Variants in SNX29 observed in about 807,000 individuals in gnomAD.
SNX29 encodes sorting nexin 29.
In SNX29, 78 loss-of-function variants were observed where a neutral mutation model predicts 102.1. The ratio of observed to expected loss-of-function variants is 0.76; its 90% confidence interval spans 0.64 to 0.92. SNX29 has a LOEUF of 0.92. Ranked by LOEUF, SNX29 falls within the 40% of genes least tolerant of loss-of-function variation. The pLI, the probability that SNX29 is intolerant of heterozygous loss-of-function variation, is 0.00. For synonymous variants in SNX29, 580 were observed against 414.5 expected (o/e 1.40, Z -4.85); for missense variants, 1,280 against 1,061.7 (o/e 1.21, Z -2.86).
At chr16:12,203,086 T>C (rs2076953799) in intron 14 of SNX29, among the ~76,000 whole-genome samples, 1 of 148,304 alleles carries the variant, frequency 6.7e-6, no homozygotes, top group Admixed American at 6.7e-5. Flanking sequence ...AGCTCTCAAG[T>C]TGTGTAGTGT....
rs116302317 is a variant in SNX29 at position 12,304,311 on chromosome 16, C to T, written c.1782+26275C>T. On this transcript the variant is annotated intron_variant, in intron 15 of 20. Coordinates refer to ENST00000566228, the MANE Select transcript of SNX29 (RefSeq NM_032167.5). The stretch of plus-strand genomic sequence containing the variant: ...TGTTGGCTTTTTTGTTGTTGTTGCA[C>T]TCCCAGGCTGGAGCGCAATGGCGAG... Among the ~76,000 whole-genome samples, 1,175 of 152,198 alleles carry T rather than the reference C, an allele frequency of 7.7e-3. 19 individuals are homozygous for T. The highest frequency in any genetic ancestry group is 0.027 in the African/African-American group (1,118 of 41,512).
At chr16:12,395,925 C>A (rs1331587194) in intron 16 of SNX29, among the ~76,000 whole-genome samples, 1 of 152,228 alleles carries the variant, frequency 6.6e-6, no homozygotes, top group East Asian at 1.9e-4. Flanking sequence ...TAATTATCAT[C>A]ATGCATTTGC....
intron 14 of SNX29, among the ~76,000 whole-genome samples, chr16:12,270,008 G>A (rs760857023): frequency 6.6e-6 from 1 of 151,826 alleles, no homozygotes; most frequent in Non-Finnish European, 1.5e-5. Context: ...CTGCAGGCAC[G>A]CACCACCACG....
chr16:12,086,006 ATTC>A (rs1223489697), intron 11 of SNX29, among the ~76,000 whole-genome samples: 12 of 144,428 alleles, frequency 8.3e-5, no homozygotes, highest in Non-Finnish European at 1.5e-4. Flanking sequence ...ACTCTTGCCA[ATTC>A]TTTTTTTTTT....
intron 15 of SNX29, among the ~76,000 whole-genome samples, chr16:12,350,673 T>C (rs142965127): frequency 2.6e-5 from 4 of 152,348 alleles, no homozygotes; most frequent in Non-Finnish European, 1.5e-5. Flanking sequence ...GAAAACTGTT[T>C]CCTACAAGTA....
At chr16:12,455,060 T>G (rs902801022) in intron 18 of SNX29, among the ~76,000 whole-genome samples, 3 of 152,134 alleles carry the variant, frequency 2.0e-5, no homozygotes, top group African/African-American at 7.2e-5. Context: ...TTGGAGGACT[T>G]TAATTTACAC....
intron 20 of SNX29, among the ~76,000 whole-genome samples, chr16:12,532,368 C>CTCCCAGCAGCGTTCACTTGTGTT (rs1427612415): frequency 1.3e-5 from 2 of 152,220 alleles, no homozygotes; most frequent in East Asian, 3.8e-4. Flanking sequence ...CTTTCAGCAG[C>CTCCCAGCAGCGTTCACTTGTGTT]TCCCAGCAGC....
rs115667058 is a variant in SNX29, at chr16:12,411,797, A to G, written c.2037+8268A>G. Among the ~76,000 whole-genome samples, 188 of 152,276 alleles carry G rather than the reference A, an allele frequency of 1.2e-3. 1 individual carries two copies. Among genetic ancestry groups the G allele is most frequent in the African/African-American group, 4.3e-3 (179 of 41,564 alleles). On this transcript the variant is annotated intron_variant, in intron 18 of 20. Transcript: ENST00000566228. ...GGACACCACTCACCTTGCAGCATGG[A>G]TGTGACCGTGTGTGATGACATATGA...
At chr16:12,458,680 C>G (rs897593132) in intron 18 of SNX29, among the ~76,000 whole-genome samples, 11 of 152,068 alleles carry the variant, frequency 7.2e-5, no homozygotes, top group African/African-American at 2.7e-4. Flanking sequence ...GTTAGAAGGC[C>G]AGTTAAACCC....
intron 19 of SNX29, among the ~76,000 whole-genome samples, chr16:12,497,012 C>T (rs1024214337): frequency 3.3e-5 from 5 of 152,172 alleles, no homozygotes; most frequent in South Asian, 2.1e-4. Context: ...ATGAGTGTGG[C>T]CTTGGGTGAA....
At chr16:12,512,959 G>A (rs2089697510) in intron 19 of SNX29, among the ~76,000 whole-genome samples, 1 of 152,108 alleles carries the variant, frequency 6.6e-6, no homozygotes, top group South Asian at 2.1e-4. Context: ...TTGCTGGGGT[G>A]AAAGAGTCGA....
At chr16:12,478,659 G>GCT (rs1407756019) in intron 19 of SNX29, among the ~76,000 whole-genome samples, 1 of 152,186 alleles carries the variant, frequency 6.6e-6, no homozygotes, top group East Asian at 1.9e-4. Flanking sequence ...CAAATGGTCA[G>GCT]CTTCAGCCAG....
At chr16:11,979,296 A>G (rs904384065) in intron 1 of SNX29, among the ~76,000 whole-genome samples, 1 of 149,968 alleles carries the variant, frequency 6.7e-6, no homozygotes, top group African/African-American at 2.5e-5. Flanking sequence ...AAAAAAAAAA[A>G]AAATCGTTAC....
Position 12,573,934 on chromosome 16 carries a change from GTCT to G in SNX29, c.*5307_*5309del, listed in dbSNP as rs1389494558. ...TGACACCGACTTCTTAGAGAAGCGA[GTCT>G]TTTTTGAATGGAGGAGCGATGGTAA... is the stretch of plus-strand genomic sequence containing the variant. On this transcript the variant is annotated 3_prime_UTR_variant, in exon 21 of 21. Coordinates refer to ENST00000566228, the MANE Select transcript of SNX29 (RefSeq NM_032167.5). The G allele has an allele frequency of 2.0e-5, 4 of 200,892 alleles. No individual in the cohort carries two copies. Among genetic ancestry groups the G allele is most frequent in the African/African-American group, 6.9e-5 (3 of 43,568 alleles). 12.4% of individuals were successfully genotyped at this position (200,892 alleles called of 1,614,324 possible).
In SNX29 at chr16:12,570,504, G is replaced by A. The variant is rs1466006841; in HGVS notation, c.*1875G>A. 2 of 232,822 alleles carry A rather than the reference G, an allele frequency of 8.6e-6. No individual in the cohort carries two copies. The highest frequency in any genetic ancestry group is 4.4e-5 in the African/African-American group (2 of 45,296). 14.4% of individuals were successfully genotyped at this position (232,822 alleles called of 1,614,324 possible). ...GCTGTATGTCATGACCCCTTAGGTTGGGTTTATGCCACATCGGTCATTTTG... is the reference window on the plus strand; with the variant it reads ...GCTGTATGTCATGACCCCTTAGGTTAGGTTTATGCCACATCGGTCATTTTG... On this transcript the variant is annotated 3_prime_UTR_variant, in exon 21 of 21. Coordinates refer to ENST00000566228, the MANE Select transcript of SNX29 (RefSeq NM_032167.5).
In SNX29 at chr16:12,567,648, G is replaced by A. The variant is rs114652245; in HGVS notation, c.2319-858G>A. ...ATGGTGGCTAGTACCTATAGTCCCA[G>A]CTGCTCAGGAGGCTGAGGTGAGAGG... On this transcript the variant is annotated intron_variant, in intron 20 of 20. Transcript: ENST00000566228. Among the ~76,000 whole-genome samples, 1,491 of 152,218 alleles carry A rather than the reference G, an allele frequency of 9.8e-3. 24 individuals are homozygous for A. Among genetic ancestry groups the A allele is most frequent in the African/African-American group, 0.035 (1,439 of 41,528 alleles).
intron 20 of SNX29, among the ~76,000 whole-genome samples, chr16:12,565,972 C>G (rs1378736372): frequency 6.6e-6 from 1 of 152,164 alleles, no homozygotes; most frequent in Non-Finnish European, 1.5e-5. Flanking sequence ...CTGTGGCTTT[C>G]CAAACCTGAG....
intron 20 of SNX29, among the ~76,000 whole-genome samples, chr16:12,567,607 A>C (rs533290093): frequency 1.3e-5 from 2 of 152,188 alleles, no homozygotes; most frequent in Admixed American, 6.5e-5. Flanking sequence ...ATCTCTACAA[A>C]AAATTACACT....
chr16:12,105,872 G>A (rs1359607073), intron 11 of SNX29, among the ~76,000 whole-genome samples: 2 of 152,086 alleles, frequency 1.3e-5, no homozygotes, highest in African/African-American at 2.4e-5. Flanking sequence ...TGAATGAGTG[G>A]AGAAGTTGGG....
Sources: gnomAD v4.1 joint callset for allele counts (sites outside exome capture counted in the v4.1 genomes callset) on GRCh38, gnomAD v4.1.1 for gene constraint, MANE v1.5 for transcripts, NCBI Gene and HGNC (gene_info 2026-07-23, HGNC 2026-07-21) for gene names.